The following TBCK variants were observed in gnomAD, a reference collection of about 807,000 sequenced individuals.
TBCK encodes the protein TBC1 domain containing kinase.
A neutral mutation model predicts 113.4 loss-of-function variants in TBCK; 99 were observed. The ratio of observed to expected loss-of-function variants is 0.87; its 90% CI spans 0.74 to 1.03. The LOEUF (loss-of-function observed/expected upper bound fraction) is 1.03, where lower values mean the gene tolerates loss of function less well. TBCK is among the 50% of genes least tolerant of loss of function. TBCK has a pLI of 0.00. For synonymous variants in TBCK, 369 were observed against 370.8 expected, an observed-to-expected ratio of 1.00 and a Z score of 0.05; for missense variants, 1,045 against 1,061.3, an observed-to-expected ratio of 0.98 and a Z score of 0.21.
chr4:106,272,533 C>G (rs1763604306), intron 3 of TBCK, among the ~76,000 whole-genome samples: 1 of 148,136 alleles, frequency 6.8e-6, no homozygotes, highest in African/African-American at 2.5e-5. Context: ...GCTCTGTCGC[C>G]CAGGCTGGAG....
intron 23 of TBCK, among the ~76,000 whole-genome samples, chr4:106,151,298 T>A (rs898218570): frequency 1.3e-5 from 2 of 151,968 alleles, no homozygotes; most frequent in African/African-American, 2.4e-5. Flanking sequence ...TCTTATTCAT[T>A]CTTTTGAACT....
At chr4:106,096,931 C>T (rs1233786238) in intron 24 of TBCK, among the ~76,000 whole-genome samples, 1 of 152,140 alleles carries the variant, frequency 6.6e-6, no homozygotes, top group African/African-American at 2.4e-5. Context: ...TAGATACATT[C>T]AGTGAATACT....
At chr4:106,133,187 T>G (rs1746159086) in intron 23 of TBCK, among the ~76,000 whole-genome samples, 1 of 152,108 alleles carries the variant, frequency 6.6e-6, no homozygotes, top group Non-Finnish European at 1.5e-5. Context: ...AATCCCCAAG[T>G]GTGAAGGGTG....
At chr4:106,173,585 T>C (rs1751286303) in intron 22 of TBCK, among the ~76,000 whole-genome samples, 1 of 152,108 alleles carries the variant, frequency 6.6e-6, no homozygotes. Context: ...GGAAAAGTTA[T>C]TTTTATCTGC....
chr4:106,223,021 G>C (rs1369729848), intron 19 of TBCK, among the ~76,000 whole-genome samples: 1 of 151,976 alleles, frequency 6.6e-6, no homozygotes, highest in Non-Finnish European at 1.5e-5. Flanking sequence ...AATATTTCTA[G>C]TAAAGGTAGG....
chr4:106,268,023 T>C (rs1763143951), intron 3 of TBCK, among the ~76,000 whole-genome samples: 1 of 151,920 alleles, frequency 6.6e-6, no homozygotes, highest in Non-Finnish European at 1.5e-5. Context: ...ACTTAAAACA[T>C]CCAAATTTTT....
At chr4:106,233,709 T>C (rs1041149801) in intron 15 of TBCK, 59 bp from the exon 16 acceptor site, 2 of 1,312,386 alleles carry the variant, frequency 1.5e-6, no homozygotes, top group Non-Finnish European at 2.1e-6. Context: ...AATAGTAATA[T>C]AGAGAAATCT....
chr4:106,164,648 G>T (rs941428524), intron 23 of TBCK, among the ~76,000 whole-genome samples: 1 of 151,728 alleles, frequency 6.6e-6, no homozygotes, highest in East Asian at 1.9e-4. Context: ...CTAAAATGGG[G>T]ATCAAACATC....
At chr4:106,234,795 C>T (rs1759266711) in intron 15 of TBCK, among the ~76,000 whole-genome samples, 1 of 152,044 alleles carries the variant, frequency 6.6e-6, no homozygotes. Context: ...CTCACAACCA[C>T]AGAGAAAGTG....
chr4:106,123,142 A>C (rs1047735555), intron 23 of TBCK, among the ~76,000 whole-genome samples: 6 of 152,228 alleles, frequency 3.9e-5, no homozygotes, highest in East Asian at 1.9e-4. Flanking sequence ...GTCTCAGCCC[A>C]AAATCTCCTT....
At chr4:106,147,464 C>A (rs1479731478) in intron 23 of TBCK, among the ~76,000 whole-genome samples, 1 of 152,150 alleles carries the variant, frequency 6.6e-6, no homozygotes, top group East Asian at 1.9e-4. Context: ...CGGCTGAAGC[C>A]ATGGCAGAAG....
chr4:106,187,617 T>C (rs1753175457), intron 22 of TBCK, among the ~76,000 whole-genome samples: 1 of 152,126 alleles, frequency 6.6e-6, no homozygotes, highest in Non-Finnish European at 1.5e-5. Context: ...GGTTTCAACA[T>C]ATTGATCAGG....
intron 3 of TBCK, among the ~76,000 whole-genome samples, chr4:106,272,390 G>T (rs1159921937): frequency 6.6e-6 from 1 of 151,372 alleles, no homozygotes; most frequent in Non-Finnish European, 1.5e-5. Flanking sequence ...TTCATAGAAA[G>T]AACTCATCAA....
Position 106,260,443 on chromosome 4 carries a change from G to T in TBCK, c.449C>A (p.Pro150Gln). 3 of 1,351,152 alleles carry T rather than the reference G, an allele frequency of 2.2e-6. No homozygotes were observed. The highest frequency in any genetic ancestry group is 2.9e-6 in the Non-Finnish European group (3 of 1,018,886). The allele number at this position is 1,351,152 out of a possible 1,614,324, so 83.7% of individuals were successfully genotyped here. The change falls in exon 5 of 26, where the codon CCA becomes CAA. Residue 150 changes from proline to glutamine, a missense_variant. Physicochemically the swap from Pro to Gln is moderately conservative, Grantham distance 76 (BLOSUM62 -1). Coordinates refer to ENST00000394708, the MANE Select transcript of TBCK (RefSeq NM_001163435.3). The part of the protein sequence containing the change: ...MTAHGDDVDF[P>Q]IGYPSYLAPE... ...GAGGAAAACATATCCTTACCCTATT[G>T]GGAAATCAACATCATCACCATGAGC...
chr4:106,181,530 T>A (rs1185334384), intron 22 of TBCK, among the ~76,000 whole-genome samples: 1 of 152,184 alleles, frequency 6.6e-6, no homozygotes, highest in Non-Finnish European at 1.5e-5. Context: ...TGATCCATCT[T>A]GAGTTGATTT....
At chr4:106,145,290 C>A (rs1351319546) in intron 23 of TBCK, among the ~76,000 whole-genome samples, 1 of 152,150 alleles carries the variant, frequency 6.6e-6, no homozygotes, top group African/African-American at 2.4e-5. Flanking sequence ...TGCACTCCAG[C>A]CTGGTGAGAC....
intron 22 of TBCK, among the ~76,000 whole-genome samples, chr4:106,192,460 C>T (rs978240324): frequency 2.0e-5 from 3 of 152,004 alleles, no homozygotes; most frequent in Non-Finnish European, 2.9e-5. Context: ...AAATAGATAA[C>T]TTGATTTTCA....
At chr4:106,298,323 A>G (rs1227895685) in intron 2 of TBCK, among the ~76,000 whole-genome samples, 2 of 152,112 alleles carry the variant, frequency 1.3e-5, no homozygotes, top group Non-Finnish European at 1.5e-5. Context: ...TATGCCAAAA[A>G]GAAGACGTGG....
chr4:106,214,529 T>C (rs1756615682), intron 19 of TBCK, among the ~76,000 whole-genome samples: 1 of 152,114 alleles, frequency 6.6e-6, no homozygotes, highest in South Asian at 2.1e-4. Context: ...AAGGAGCTGA[T>C]GGAGCTGAAA....
Sources: allele counts gnomAD v4.1 joint callset (sites outside exome capture counted in the v4.1 genomes callset), GRCh38; gene constraint gnomAD v4.1.1; transcripts MANE v1.5; gene names NCBI Gene and HGNC (gene_info 2026-07-23, HGNC 2026-07-21).